EYA2: variants seen among roughly 807,000 people sequenced by gnomAD.
The protein encoded by EYA2 is protein phosphatase EYA2.
Under a neutral mutation model 69.2 loss-of-function variants are expected in EYA2, and 31 were observed. That is an observed-to-expected ratio of 0.45 (90% CI 0.34 to 0.60). The LOEUF (loss-of-function observed/expected upper bound fraction) is 0.60. Among genes scored for constraint, EYA2 ranks in the 20% least tolerant of loss-of-function variants. The pLI is 0.02. For synonymous variants in EYA2, 257 were observed against 279.4 expected (o/e 0.92, Z 0.80); for missense variants, 622 against 701.2 (o/e 0.89, Z 1.28).
At chr20:47,032,420 A>G (rs1984469947) in intron 5 of EYA2, among the ~76,000 whole-genome samples, 1 of 152,090 alleles carries the variant, frequency 6.6e-6, no homozygotes, top group Non-Finnish European at 1.5e-5. Flanking sequence ...TTTAAACCAC[A>G]TCAGTGCTAT....
intron 1 of EYA2, among the ~76,000 whole-genome samples, chr20:46,897,365 A>T (rs1434197515): frequency 1.3e-5 from 2 of 152,228 alleles, no homozygotes; most frequent in Non-Finnish European, 2.9e-5. Context: ...ACACAGTCCA[A>T]GCACGTCCAC....
Position 47,179,683 on chromosome 20 carries a change from T to C in EYA2, c.1199-115T>C, listed in dbSNP as rs2034500612. ...GAAGCCACTGGATTGAAGTTTACTT[T>C]GGGTTGTCATCTGATTTTAACCCTC... On this transcript the variant is annotated intron_variant, in intron 12 of 15. Transcript: ENST00000327619. 6.6e-5 allele frequency: 43 copies of C among 650,418 alleles called. No individual in the cohort carries two copies. The East Asian group carries it at 1.2e-3, about 17-fold the overall frequency. The allele number at this position is 650,418 out of a possible 1,614,324, so 40.3% of individuals were successfully genotyped here.
At chr20:47,126,075 A>C (rs571492813) in intron 9 of EYA2, among the ~76,000 whole-genome samples, 9 of 152,220 alleles carry the variant, frequency 5.9e-5, no homozygotes, top group African/African-American at 1.9e-4. Context: ...GCAGGTCTGC[A>C]CTTTGCAGCA....
intron 9 of EYA2, among the ~76,000 whole-genome samples, chr20:47,116,170 C>CTTTTTTT (rs138828415): frequency 2.5e-5 from 2 of 80,036 alleles, no homozygotes; most frequent in Non-Finnish European, 2.3e-5. Context: ...CATCATCCTT[C>CTTTTTTT]TTTTTTTTTT....
intron 9 of EYA2, among the ~76,000 whole-genome samples, chr20:47,121,543 T>A (rs1404406003): frequency 6.6e-6 from 1 of 152,210 alleles, no homozygotes; most frequent in Non-Finnish European, 1.5e-5. Context: ...TTATGATGAC[T>A]TTCAGTTTGT....
intron 1 of EYA2, among the ~76,000 whole-genome samples, chr20:46,912,435 C>T (rs1471694227): frequency 6.6e-6 from 1 of 152,162 alleles, no homozygotes; most frequent in Non-Finnish European, 1.5e-5. Context: ...GTAACAGCTG[C>T]CATTCATCCA....
chr20:47,063,852 A>G (rs1464712112), intron 5 of EYA2, among the ~76,000 whole-genome samples: 3 of 152,230 alleles, frequency 2.0e-5, no homozygotes, highest in Admixed American at 6.5e-5. Context: ...TTTGGTTTCA[A>G]TACATCTGTG....
intron 1 of EYA2, among the ~76,000 whole-genome samples, chr20:46,957,042 C>T (rs1979165695): frequency 6.6e-6 from 1 of 152,164 alleles, no homozygotes; most frequent in Admixed American, 6.5e-5. Flanking sequence ...TGGGTGGGGA[C>T]ACAGAGCCAA....
chr20:47,041,239 C>T (rs980055857), intron 5 of EYA2, among the ~76,000 whole-genome samples: 2 of 152,182 alleles, frequency 1.3e-5, no homozygotes, highest in African/African-American at 4.8e-5. Context: ...TGGCAACTGG[C>T]AACTCCAACC....
At chr20:46,952,030 G>A (rs1402034651) in intron 1 of EYA2, among the ~76,000 whole-genome samples, 1 of 152,184 alleles carries the variant, frequency 6.6e-6, no homozygotes, top group South Asian at 2.1e-4. Context: ...CTCTTTCTGT[G>A]AATCATAGTT....
chr20:47,061,511 C>A (rs980560072), intron 5 of EYA2, among the ~76,000 whole-genome samples: 11 of 151,856 alleles, frequency 7.2e-5, no homozygotes, highest in Admixed American at 3.3e-4. Context: ...GCCTTGGCGA[C>A]AGAGGGAGAC....
chr20:47,075,170 T>C (rs2031470362), intron 7 of EYA2, among the ~76,000 whole-genome samples: 2 of 152,252 alleles, frequency 1.3e-5, no homozygotes, highest in African/African-American at 2.4e-5. Context: ...CATACCTGTG[T>C]GGTCTTCTCT....
chr20:47,179,472 T>G (rs972647977), intron 12 of EYA2, among the ~76,000 whole-genome samples: 2 of 142,140 alleles, frequency 1.4e-5, no homozygotes, highest in African/African-American at 2.6e-5. Context: ...ATTGGGCAGA[T>G]GGATGGATGG....
chr20:46,930,873 C>CT (rs1210846543), intron 1 of EYA2, among the ~76,000 whole-genome samples: 1 of 152,188 alleles, frequency 6.6e-6, no homozygotes, highest in Non-Finnish European at 1.5e-5. Context: ...CGCCATGACT[C>CT]TGAGAAATAA....
At chr20:47,156,887 A>T (rs2033962900) in intron 10 of EYA2, among the ~76,000 whole-genome samples, 1 of 151,956 alleles carries the variant, frequency 6.6e-6, no homozygotes, top group Non-Finnish European at 1.5e-5. Context: ...TTTCTAACGC[A>T]AATTTGTCAA....
intron 10 of EYA2, among the ~76,000 whole-genome samples, chr20:47,157,022 G>A (rs998846585): frequency 6.6e-6 from 1 of 151,922 alleles, no homozygotes; most frequent in African/African-American, 2.4e-5. Flanking sequence ...ATAAGTATTT[G>A]TCACTGAGTT....
At chr20:46,958,353 G>A (rs573106888) in intron 1 of EYA2, among the ~76,000 whole-genome samples, 42 of 152,232 alleles carry the variant, frequency 2.8e-4, no homozygotes, top group Non-Finnish European at 4.9e-4. Flanking sequence ...CGCCAACTGA[G>A]CCATGATGGG....
chr20:46,938,048 T>C (rs180913188), intron 1 of EYA2, among the ~76,000 whole-genome samples: 79 of 152,270 alleles, frequency 5.2e-4, no homozygotes, highest in African/African-American at 1.9e-3. Context: ...CAAAGAGAGG[T>C]TAAGTATCCC....
intron 5 of EYA2, among the ~76,000 whole-genome samples, chr20:47,035,754 A>G (rs951746441): frequency 1.3e-5 from 2 of 151,864 alleles, no homozygotes; most frequent in Admixed American, 6.6e-5. Flanking sequence ...GGTGGCTGAT[A>G]CCTGTAACTT....
Sources: allele counts gnomAD v4.1 joint callset (sites outside exome capture counted in the v4.1 genomes callset), GRCh38; gene constraint gnomAD v4.1.1; transcripts MANE v1.5; gene names NCBI Gene and HGNC (gene_info 2026-07-23, HGNC 2026-07-21).